Variants in ATP10D observed in about 807,000 individuals in gnomAD.
ATP10D encodes ATPase phospholipid transporting 10D (putative).
Under a neutral mutation model 144.8 loss-of-function variants are expected in ATP10D, and 89 were observed. The ratio of observed to expected loss-of-function variants is 0.61; its 90% CI spans 0.52 to 0.73. The LOEUF is 0.73. Among genes scored for constraint, ATP10D ranks in the 30% least tolerant of loss-of-function variants. The probability of loss-of-function intolerance (pLI) is 0.00; values close to 1 mark genes in which losing one functional copy is unlikely to be tolerated. For synonymous variants in ATP10D, 571 were observed against 615.1 expected (o/e 0.93, Z 1.06); for missense variants, 1,603 against 1,714.8 (o/e 0.93, Z 1.15).
intron 1 of ATP10D, among the ~76,000 whole-genome samples, chr4:47,499,420 C>T (rs1358406115): frequency 6.6e-6 from 1 of 152,158 alleles, no homozygotes; most frequent in African/African-American, 2.4e-5. Context: ...CTGAAGACCA[C>T]TGGGGTCATT....
chr4:47,590,561 T>G (rs1040490662), intron 22 of ATP10D, among the ~76,000 whole-genome samples: 2 of 152,088 alleles, frequency 1.3e-5, no homozygotes, highest in Non-Finnish European at 2.9e-5. Flanking sequence ...GTGACATACA[T>G]AGGAGAGTCA....
At chr4:47,488,105 G>C (rs1419626262) in intron 1 of ATP10D, among the ~76,000 whole-genome samples, 2 of 151,950 alleles carry the variant, frequency 1.3e-5, no homozygotes, top group Non-Finnish European at 2.9e-5. Flanking sequence ...CATCTTATCT[G>C]TAATACAAAA....
chr4:47,559,799 A>G (rs1483357900), intron 13 of ATP10D, among the ~76,000 whole-genome samples: 1 of 152,154 alleles, frequency 6.6e-6, no homozygotes, highest in Non-Finnish European at 1.5e-5. Context: ...CAGGAGTTCA[A>G]GATCAGCCTG....
intron 15 of ATP10D, among the ~76,000 whole-genome samples, chr4:47,565,110 C>T (rs1382613652): frequency 6.6e-6 from 1 of 152,216 alleles, no homozygotes; most frequent in Non-Finnish European, 1.5e-5. Context: ...AGGCTCCCGA[C>T]ACCACGCCCG....
At chr4:47,559,485 T>C (rs1719177699) in intron 13 of ATP10D, among the ~76,000 whole-genome samples, 1 of 152,242 alleles carries the variant, frequency 6.6e-6, no homozygotes, top group African/African-American at 2.4e-5. Flanking sequence ...TAAATCCAGG[T>C]AAATATCCTA....
intron 9 of ATP10D, among the ~76,000 whole-genome samples, chr4:47,539,646 A>G (rs1718032248): frequency 6.6e-6 from 1 of 152,228 alleles, no homozygotes; most frequent in African/African-American, 2.4e-5. Flanking sequence ...ATGGAACCAC[A>G]TTAATAATGC....
rs753682058 is a variant in ATP10D at position 47,557,943 on chromosome 4, G to A, written c.2104G>A (p.Ala702Thr). Residue 702 changes from alanine to threonine, a missense_variant, in exon 12 of 23, where the codon GCA (alanine) becomes ACA (threonine). Transcript: ENST00000273859. ...CTETEKQHGD[A>T]GLLNGKAESL... ...AGAAACAGAGAAACAACACGGTGAT[G>A]CAGGCCTCCTGAATGGCAAGGCAGA... is the stretch of plus-strand genomic sequence containing the variant. The A allele has an allele frequency of 5.0e-6, 8 of 1,614,100 alleles. No homozygotes were observed. The highest frequency in any genetic ancestry group is 5.9e-6 in the Non-Finnish European group (7 of 1,180,038).
intron 1 of ATP10D, chr4:47,490,865 T>G (rs935561095): frequency 2.4e-5 from 9 of 379,770 alleles, no homozygotes; most frequent in Non-Finnish European, 4.4e-5. Context: ...TATTCAGGTT[T>G]TCCAGATGAG....
chr4:47,587,673 A>C (rs1560460833), intron 22 of ATP10D, among the ~76,000 whole-genome samples: 1 of 152,176 alleles, frequency 6.6e-6, no homozygotes, highest in Non-Finnish European at 1.5e-5. Context: ...CACCTTGAAC[A>C]CTGCACCTTC....
intron 22 of ATP10D, 66 bp downstream of exon 22, chr4:47,587,272 T>A (rs1720835973): frequency 1.4e-6 from 2 of 1,424,500 alleles, no homozygotes. Flanking sequence ...TTCAAGCAAC[T>A]ACACTACTAC....
intron 17 of ATP10D, 74 bp from the exon 18 acceptor site, chr4:47,572,798 C>T: frequency 6.3e-7 from 1 of 1,591,216 alleles, no homozygotes; most frequent in Non-Finnish European, 8.6e-7. Flanking sequence ...CTAGGGTTTC[C>T]CAAGAATTGT....
intron 1 of ATP10D, among the ~76,000 whole-genome samples, chr4:47,496,184 T>G (rs924236680): frequency 4.6e-5 from 6 of 131,448 alleles, no homozygotes; most frequent in Non-Finnish European, 8.0e-5. Flanking sequence ...TGAGACGGAG[T>G]TTCACTCTTG....
At chr4:47,553,630 GA>G (rs1718835078) in intron 10 of ATP10D, among the ~76,000 whole-genome samples, 1 of 152,180 alleles carries the variant, frequency 6.6e-6, no homozygotes, top group Admixed American at 6.5e-5. Flanking sequence ...CCATTAGGTA[GA>G]AGAGGAAAAG....
chr4:47,557,528 G>A (rs973876718), intron 11 of ATP10D, 136 bp from the exon 12 acceptor site: 16 of 794,116 alleles, frequency 2.0e-5, no homozygotes, highest in East Asian at 8.6e-5. Flanking sequence ...CATGGCGGTC[G>A]TAAATAGAGA....
chr4:47,558,183 G>T lies in ATP10D; in HGVS notation c.2344G>T (p.Val782Leu). 1 of 1,614,180 alleles carries T rather than the reference G, an allele frequency of 6.2e-7. No individual in the cohort carries two copies. The highest frequency in any genetic ancestry group is 8.5e-7 in the Non-Finnish European group (1 of 1,180,042). The stretch of plus-strand genomic sequence containing the variant: ...CTCAGTAAGAAAAAGAATGTCTGTT[G>T]TGGTCCGACACCCTCTTTCCAATCA... ...FDSVRKRMSV[V>L]VRHPLSNQVV... The change falls in exon 12 of 23, where the codon GTG (valine) becomes TTG (leucine). Residue 782 changes from valine to leucine, a missense_variant. Coordinates refer to ENST00000273859, the MANE Select transcript of ATP10D (RefSeq NM_020453.4).
chr4:47,530,612 T>A (rs1249669520), intron 5 of ATP10D, among the ~76,000 whole-genome samples: 1 of 152,038 alleles, frequency 6.6e-6, no homozygotes, highest in Non-Finnish European at 1.5e-5. Context: ...CGTGCCACCA[T>A]GCCTGGGTAA....
At position 47,525,584 on chromosome 4, in the gene ATP10D, T is replaced by G; in HGVS notation, c.718T>G (p.Ser240Ala). 1 of 1,613,606 alleles carries G rather than the reference T, an allele frequency of 6.2e-7. No homozygotes were observed. Among genetic ancestry groups the G allele is most frequent in the Non-Finnish European group, 8.5e-7 (1 of 1,179,572 alleles). Residue 240 changes from serine to alanine, a missense_variant, in exon 5 of 23, where the codon TCC becomes GCC. Transcript: ENST00000273859. Reference protein sequence around the residue: ...QDSEVDPEKFSSRIECESPNN... With the variant: ...QDSEVDPEKFASRIECESPNN... ...CTCTGAAGTTGATCCTGAGAAGTTT[T>G]CCAGTAGGATAGAATGTGAAAGCCC...
intron 15 of ATP10D, among the ~76,000 whole-genome samples, chr4:47,565,451 A>G (rs1026805507): frequency 1.3e-5 from 2 of 152,084 alleles, no homozygotes; most frequent in Non-Finnish European, 2.9e-5. Context: ...TCACCAAAAG[A>G]ATGTAGCCTA....
rs1447271327 is a variant in ATP10D, at chr4:47,557,882, G to C, written c.2043G>C (p.Glu681Asp). The part of the protein sequence containing the change: ...PVEEEVSQVC[E>D]SPQCSSSSAC... ...AGGAAGAGGTCTCCCAGGTGTGTGAGAGCCCCCAGTGCTCCAGTAGCTCAG... is the reference window on the plus strand; with the variant it reads ...AGGAAGAGGTCTCCCAGGTGTGTGACAGCCCCCAGTGCTCCAGTAGCTCAG... Residue 681 changes from glutamate to aspartate, a missense_variant, in exon 12 of 23, where the codon GAG becomes GAC. By Grantham distance (45) the Glu-to-Asp change is conservative. Transcript: ENST00000273859. The C allele has an allele frequency of 1.2e-6, 2 of 1,614,168 alleles. No individual in the cohort carries two copies.
Sources: gnomAD v4.1 joint callset for allele counts (sites outside exome capture counted in the v4.1 genomes callset) on GRCh38, gnomAD v4.1.1 for gene constraint, MANE v1.5 for transcripts, NCBI Gene and HGNC (gene_info 2026-07-23, HGNC 2026-07-21) for gene names.